The following CPNE4 variants were observed in gnomAD, a reference collection of about 807,000 sequenced individuals.
CPNE4 encodes the protein copine 4.
Under a neutral mutation model 67.9 loss-of-function variants are expected in CPNE4, and 25 were observed. The observed-to-expected ratio is 0.37, with a 90% confidence interval of 0.27 to 0.51. The LOEUF (loss-of-function observed/expected upper bound fraction) is 0.51, where lower values mean the gene tolerates loss of function less well. CPNE4 is among the 20% of genes least tolerant of loss of function. The probability of loss-of-function intolerance (pLI) is 0.93; values close to 1 mark genes in which losing one functional copy is unlikely to be tolerated. For missense variants in CPNE4, 464 were observed against 690.8 expected (o/e 0.67, Z 3.68); for synonymous variants, 242 against 244.9 (o/e 0.99, Z 0.11).
chr3:131,564,469 C>T, intron 10 of CPNE4, 120 bp from the exon 11 acceptor site: 1 of 863,796 alleles, frequency 1.2e-6, no homozygotes, highest in African/African-American at 1.7e-5. Context: ...ACATACCCTG[C>T]CAATAAAGAA....
rs75723738 is a variant in CPNE4, at chr3:131,556,032, T to G, written c.1062-481A>C. Among the ~76,000 whole-genome samples, 261 of 152,156 alleles carry G rather than the reference T, an allele frequency of 1.7e-3. 2 individuals are homozygous for G. Among genetic ancestry groups the G allele is most frequent in the African/African-American group, 6.0e-3 (251 of 41,536 alleles). ...GACTTGCCCAAGATCATGCCACTAA[T>G]TAGAGCTAGAGTTCAAATACAGATA... On this transcript the variant is annotated intron_variant, in intron 11 of 15. Transcript: ENST00000429747.
intron 7 of CPNE4, among the ~76,000 whole-genome samples, chr3:131,651,888 G>A (rs1469717789): frequency 6.6e-6 from 1 of 152,038 alleles, no homozygotes; most frequent in Non-Finnish European, 1.5e-5. Context: ...TTTTTTCACT[G>A]GGATGATAAA....
rs773479872 is a variant in CPNE4, at chr3:131,999,240, GTAAAAAAAA to G, written c.-2+35318_-2+35326del. ...TCTCAATTATAGGTATTTATCCAAG[GTAAAAAAAA>G]AAAAAAAAAAAAAAAGATAGCCTCT... On this transcript the variant is annotated intron_variant, in intron 1 of 15. Transcript: ENST00000429747. 4.8e-4 allele frequency among the ~76,000 whole-genome samples: 5 copies of G among 10,382 alleles called. No individual in the cohort carries two copies. The South Asian group carries it at 0.011, about 22-fold the overall frequency. The allele number at this position is 10,382 out of a possible 152,430, so 6.8% of individuals were successfully genotyped here. A position where few individuals can be genotyped will look rare whatever the true frequency, so the allele number is the denominator to read the frequency against.
chr3:131,874,174 C>T (rs978799529), intron 2 of CPNE4, among the ~76,000 whole-genome samples: 1 of 151,780 alleles, frequency 6.6e-6, no homozygotes, highest in Admixed American at 6.6e-5. Context: ...CTGCAAGCTC[C>T]GCCTCCCGGG....
intron 7 of CPNE4, among the ~76,000 whole-genome samples, chr3:131,603,876 T>C (rs1270433907): frequency 2.6e-5 from 4 of 152,202 alleles, no homozygotes; most frequent in Non-Finnish European, 2.9e-5. Flanking sequence ...CTTTTTAAGA[T>C]AGGATTCTTC....
chr3:131,544,824 C>T (rs1024182321), intron 14 of CPNE4, among the ~76,000 whole-genome samples: 1 of 152,082 alleles, frequency 6.6e-6, no homozygotes, highest in Non-Finnish European at 1.5e-5. Flanking sequence ...GCAGGTGGGC[C>T]CTCGAGTGAA....
At chr3:131,998,600 ATT>A (rs2073353932) in intron 1 of CPNE4, among the ~76,000 whole-genome samples, 1 of 152,108 alleles carries the variant, frequency 6.6e-6, no homozygotes, top group South Asian at 2.1e-4. Context: ...GAAAGAAAAC[ATT>A]TTTCAGAGTT....
At chr3:131,941,332 T>C (rs1457928498) in intron 1 of CPNE4, among the ~76,000 whole-genome samples, 1 of 152,096 alleles carries the variant, frequency 6.6e-6, no homozygotes, top group Non-Finnish European at 1.5e-5. Context: ...GCATTATATA[T>C]GTAGTAAGGA....
At chr3:131,893,115 T>C (rs991733415) in intron 2 of CPNE4, among the ~76,000 whole-genome samples, 3 of 151,550 alleles carry the variant, frequency 2.0e-5, no homozygotes, top group Non-Finnish European at 2.9e-5. Flanking sequence ...AAGGCAAACA[T>C]AGACTAAAAA....
chr3:131,633,895 G>T (rs1415084100), intron 7 of CPNE4, among the ~76,000 whole-genome samples: 1 of 152,156 alleles, frequency 6.6e-6, no homozygotes, highest in East Asian at 1.9e-4. Flanking sequence ...TATTTGTAAA[G>T]GCTGAAGAGG....
intron 3 of CPNE4, 90 bp downstream of exon 3, chr3:131,723,356 G>C: frequency 4.3e-6 from 5 of 1,175,460 alleles, no homozygotes; most frequent in Non-Finnish European, 6.1e-6. Flanking sequence ...ATAGGAAAAA[G>C]CAAGGATTAG....
At chr3:131,913,612 G>A (rs1417090147) in intron 1 of CPNE4, among the ~76,000 whole-genome samples, 2 of 152,150 alleles carry the variant, frequency 1.3e-5, no homozygotes, top group East Asian at 1.9e-4. Flanking sequence ...CCTCTACCAA[G>A]TATATGTTCT....
intron 7 of CPNE4, among the ~76,000 whole-genome samples, chr3:131,639,318 A>C (rs967240838): frequency 2.0e-5 from 3 of 152,134 alleles, no homozygotes; most frequent in Non-Finnish European, 4.4e-5. Context: ...AATTAGAAAA[A>C]AATTGGTAGA....
At chr3:131,613,015 G>T (rs1939938825) in intron 7 of CPNE4, among the ~76,000 whole-genome samples, 1 of 152,164 alleles carries the variant, frequency 6.6e-6, no homozygotes, top group African/African-American at 2.4e-5. Flanking sequence ...TATTTTCTCT[G>T]TGTTATCTTC....
intron 2 of CPNE4, among the ~76,000 whole-genome samples, chr3:131,873,445 A>T (rs1490413049): frequency 6.6e-6 from 1 of 152,086 alleles, no homozygotes; most frequent in Non-Finnish European, 1.5e-5. Flanking sequence ...CTTAGATTTG[A>T]TTACTTATCT....
At chr3:132,023,095 T>C (rs1169121729) in intron 1 of CPNE4, among the ~76,000 whole-genome samples, 1 of 152,190 alleles carries the variant, frequency 6.6e-6, no homozygotes, top group Non-Finnish European at 1.5e-5. Flanking sequence ...GAACATCTCA[T>C]TCCCATCAGA....
chr3:131,757,404 C>A (rs1006892134), intron 2 of CPNE4, among the ~76,000 whole-genome samples: 1 of 152,172 alleles, frequency 6.6e-6, no homozygotes, highest in Non-Finnish European at 1.5e-5. Context: ...CATTTTGCCC[C>A]TGCCATAGAG....
chr3:131,788,093 G>A (rs17295394), intron 2 of CPNE4, among the ~76,000 whole-genome samples: 2 of 151,724 alleles, frequency 1.3e-5, no homozygotes, highest in Non-Finnish European at 2.9e-5. Flanking sequence ...TGATTTTGAG[G>A]TATTCAAATT....
At chr3:131,895,656 G>C (rs368888029) in intron 2 of CPNE4, among the ~76,000 whole-genome samples, 10 of 152,028 alleles carry the variant, frequency 6.6e-5, no homozygotes, top group African/African-American at 2.2e-4. Context: ...TCATCAAGCT[G>C]AACATCTAAA....
Sources: allele counts gnomAD v4.1 joint callset (sites outside exome capture counted in the v4.1 genomes callset), GRCh38; gene constraint gnomAD v4.1.1; transcripts MANE v1.5; gene names NCBI Gene and HGNC (gene_info 2026-07-23, HGNC 2026-07-21).